The following SUGCT variants were observed in gnomAD, a reference collection of about 807,000 sequenced individuals.
SUGCT encodes the protein succinyl-CoA:glutarate CoA-transferase.
In SUGCT, 41 loss-of-function variants were observed where a neutral mutation model predicts 55.0. The ratio of observed to expected loss-of-function variants is 0.74; its 90% CI spans 0.58 to 0.97. The LOEUF (loss-of-function observed/expected upper bound fraction) is 0.97, where lower values mean the gene tolerates loss of function less well. SUGCT is among the 50% of genes least tolerant of loss of function. The probability of loss-of-function intolerance (pLI) is 0.00; values close to 1 mark genes in which losing one functional copy is unlikely to be tolerated. For synonymous variants in SUGCT, 187 were observed against 200.4 expected, an observed-to-expected ratio of 0.93 and a Z score of 0.56; for missense variants, 568 against 547.8, an observed-to-expected ratio of 1.04 and a Z score of -0.37.
intron 9 of SUGCT, among the ~76,000 whole-genome samples, chr7:40,389,741 C>T (rs1177600143): frequency 6.6e-6 from 1 of 152,126 alleles, no homozygotes; most frequent in Non-Finnish European, 1.5e-5. Flanking sequence ...TAATTTCAAT[C>T]CAGTTCTTTG....
At chr7:40,725,052 C>T (rs1241679800) in intron 12 of SUGCT, among the ~76,000 whole-genome samples, 1 of 152,090 alleles carries the variant, frequency 6.6e-6, no homozygotes, top group Non-Finnish European at 1.5e-5. Context: ...CAGGAGCTGT[C>T]GTGGGGCTCT....
intron 8 of SUGCT, among the ~76,000 whole-genome samples, chr7:40,298,482 T>G (rs1460379432): frequency 6.6e-6 from 1 of 152,206 alleles, no homozygotes; most frequent in Non-Finnish European, 1.5e-5. Context: ...AAGTGGTTTT[T>G]GAACAATAAT....
intron 7 of SUGCT, among the ~76,000 whole-genome samples, chr7:40,271,624 T>C (rs1792021666): frequency 6.6e-6 from 1 of 152,158 alleles, no homozygotes; most frequent in Non-Finnish European, 1.5e-5. Flanking sequence ...TATAATCAGA[T>C]CAGGGCTGTT....
intron 12 of SUGCT, among the ~76,000 whole-genome samples, chr7:40,688,547 A>G (rs1002548470): frequency 6.6e-6 from 1 of 152,128 alleles, no homozygotes; most frequent in South Asian, 2.1e-4. Flanking sequence ...ACTAAAATAT[A>G]TATATAATAT....
chr7:40,270,135 CAA>C (rs1186152626), intron 7 of SUGCT, among the ~76,000 whole-genome samples: 23 of 66,650 alleles, frequency 3.5e-4, no homozygotes, highest in Admixed American at 3.3e-4. Context: ...GACCCTTTCT[CAA>C]AAAAAAAAAA....
chr7:40,198,424 A>G lies in SUGCT; in HGVS notation c.484+3364A>G, dbSNP rs552267741. 3.3e-5 allele frequency among the ~76,000 whole-genome samples: 5 copies of G among 152,328 alleles called. No homozygotes were observed. The South Asian group carries it at 1.0e-3, about 32-fold the overall frequency. Reference sequence around the variant, plus strand: ...TTTTTGCCATTTTCTTTCGCTTGTTAATTTTATTTGCAATAGTGGAAGTCA... The same window carrying G: ...TTTTTGCCATTTTCTTTCGCTTGTTGATTTTATTTGCAATAGTGGAAGTCA... On this transcript the variant is annotated intron_variant, in intron 6 of 13. Transcript: ENST00000335693.
At chr7:40,290,734 G>A (rs1793686544) in intron 8 of SUGCT, among the ~76,000 whole-genome samples, 1 of 152,066 alleles carries the variant, frequency 6.6e-6, no homozygotes, top group Admixed American at 6.5e-5. Flanking sequence ...CAAAATGGGA[G>A]AAAATTTTCT....
rs140639985 is a variant in SUGCT at position 40,853,181 on chromosome 7, G to A, written c.1154-7135G>A. The stretch of plus-strand genomic sequence containing the variant: ...ATCATACAGCCCAGATCTTGGCACC[G>A]GGATAGATACTCCAAAATTATATGT... On this transcript the variant is annotated intron_variant, in intron 13 of 13. Transcript: ENST00000335693. 5.9e-3 allele frequency among the ~76,000 whole-genome samples: 889 copies of A among 151,910 alleles called. 8 individuals carry two copies. The highest frequency in any genetic ancestry group is 0.02 in the African/African-American group (839 of 41,386).
chr7:40,330,716 G>T (rs375709128), intron 9 of SUGCT, among the ~76,000 whole-genome samples: 2 of 152,222 alleles, frequency 1.3e-5, no homozygotes, highest in South Asian at 2.1e-4. Context: ...ATCACTAAAT[G>T]CGTGGCAAAT....
intron 13 of SUGCT, among the ~76,000 whole-genome samples, chr7:40,813,554 T>C (rs540248216): frequency 3.3e-5 from 5 of 152,294 alleles, no homozygotes; most frequent in South Asian, 2.1e-4. Flanking sequence ...CTTTTTGCCT[T>C]CTTTTGTGTG....
chr7:40,316,961 T>TTTTTTTTTTG (rs1562673969), intron 9 of SUGCT, 106 bp downstream of exon 9: 1 of 526,892 alleles, frequency 1.9e-6, no homozygotes, highest in Admixed American at 3.8e-5. Flanking sequence ...AGCTGTTTTT[T>TTTTTTTTTTG]TTTTTTTTTT....
chr7:40,806,050 G>A (rs1791071969), intron 13 of SUGCT, among the ~76,000 whole-genome samples: 1 of 152,108 alleles, frequency 6.6e-6, no homozygotes, highest in Non-Finnish European at 1.5e-5. Context: ...CAAATATCAA[G>A]CATCCAAGTG....
chr7:40,398,542 T>A (rs531550556), intron 9 of SUGCT, among the ~76,000 whole-genome samples: 1 of 151,072 alleles, frequency 6.6e-6, no homozygotes, highest in Admixed American at 6.6e-5. Flanking sequence ...TCTAATTTTC[T>A]TGTTATATCT....
chr7:40,565,983 A>G (rs908537884), intron 12 of SUGCT, among the ~76,000 whole-genome samples: 10 of 106,748 alleles, frequency 9.4e-5, no homozygotes, highest in African/African-American at 3.7e-4. Context: ...ACACACACAC[A>G]CACACACACG....
chr7:40,590,182 T>C (rs1003587045), intron 12 of SUGCT, among the ~76,000 whole-genome samples: 100 of 152,200 alleles, frequency 6.6e-4, no homozygotes, highest in Admixed American at 6.5e-3. Flanking sequence ...TTAATAAATA[T>C]GTGTTCTGAC....
At chr7:40,247,125 GAA>G (rs201612825) in intron 7 of SUGCT, among the ~76,000 whole-genome samples, 2,099 of 152,232 alleles carry the variant, frequency 0.014, 22 homozygotes, top group Non-Finnish European at 0.022. Context: ...ACCTACAAGT[GAA>G]AAACTAACGG....
intron 7 of SUGCT, among the ~76,000 whole-genome samples, chr7:40,249,135 T>C (rs946051597): frequency 4.7e-5 from 7 of 150,264 alleles, no homozygotes; most frequent in South Asian, 2.1e-4. Flanking sequence ...TAGTAAAAAT[T>C]TAAAAAATTT....
chr7:40,491,297 G>A (rs1157412475), intron 11 of SUGCT, among the ~76,000 whole-genome samples: 1 of 152,174 alleles, frequency 6.6e-6, no homozygotes, highest in Non-Finnish European at 1.5e-5. Context: ...TGGGTGTGCG[G>A]AATCAAGGGC....
chr7:40,204,952 C>T (rs1018737360), intron 6 of SUGCT, among the ~76,000 whole-genome samples: 1 of 147,266 alleles, frequency 6.8e-6, no homozygotes, highest in African/African-American at 2.6e-5. Flanking sequence ...GAACTTGTCT[C>T]TTAAAAATAA....
Sources: gnomAD v4.1 joint callset for allele counts (sites outside exome capture counted in the v4.1 genomes callset) on GRCh38, gnomAD v4.1.1 for gene constraint, MANE v1.5 for transcripts, NCBI Gene and HGNC (gene_info 2026-07-23, HGNC 2026-07-21) for gene names.